The following GBE1 variants were observed in gnomAD, a reference collection of about 807,000 sequenced individuals.
GBE1 encodes 1,4-alpha-glucan branching enzyme 1.
Under a neutral mutation model 88.8 loss-of-function variants are expected in GBE1, and 70 were observed. The ratio of observed to expected loss-of-function variants is 0.79; its 90% CI spans 0.65 to 0.96. GBE1 has a LOEUF of 0.96. Ranked by LOEUF, GBE1 falls within the 40% of genes least tolerant of loss-of-function variation. The probability of loss-of-function intolerance (pLI) is 0.00; values close to 1 mark genes in which losing one functional copy is unlikely to be tolerated. For synonymous variants in GBE1, 284 were observed against 300.1 expected (o/e 0.95, Z 0.56); for missense variants, 872 against 871.0 (o/e 1.00, Z -0.01).
chr3:81,730,305 A>G (rs1706168596), intron 1 of GBE1, among the ~76,000 whole-genome samples: 1 of 152,186 alleles, frequency 6.6e-6, no homozygotes, highest in South Asian at 2.1e-4. Flanking sequence ...AAGATACAGT[A>G]TATGCTTCAA....
At chr3:81,526,377 C>A (rs1200078902) in intron 14 of GBE1, among the ~76,000 whole-genome samples, 1 of 152,014 alleles carries the variant, frequency 6.6e-6, no homozygotes, top group African/African-American at 2.4e-5. Flanking sequence ...CCAGGGCAAT[C>A]AGGCAGGAGA....
chr3:81,664,079 T>A (rs1705074549), intron 3 of GBE1, among the ~76,000 whole-genome samples: 3 of 152,184 alleles, frequency 2.0e-5, no homozygotes, highest in African/African-American at 7.2e-5. Flanking sequence ...TTATTTTTTA[T>A]AAGCAGAGTT....
rs187439234 is a variant in GBE1, at chr3:81,543,620, T to C, written c.1619-6525A>G. Among the ~76,000 whole-genome samples, 188 of 152,220 alleles carry C rather than the reference T, an allele frequency of 1.2e-3. 6 individuals are homozygous for C. The South Asian group carries it at 0.032, about 26-fold the overall frequency. ...TCATTAAAACAAGTTAAGAATGTCC[T>C]TCTCAGCTATGGGCTACAAATTACT... is the stretch of plus-strand genomic sequence containing the variant. On this transcript the variant is annotated intron_variant, in intron 12 of 15. Transcript: ENST00000429644.
chr3:81,525,460 A>T (rs994969076), intron 14 of GBE1, among the ~76,000 whole-genome samples: 2 of 152,030 alleles, frequency 1.3e-5, no homozygotes, highest in African/African-American at 4.8e-5. Flanking sequence ...TTTTTGCATC[A>T]ACGTTCATCA....
chr3:81,720,381 T>A (rs1038845641), intron 1 of GBE1, among the ~76,000 whole-genome samples: 1 of 150,410 alleles, frequency 6.6e-6, no homozygotes, highest in African/African-American at 2.5e-5. Flanking sequence ...TATATATATA[T>A]CTTATATACA....
At chr3:81,710,806 C>A (rs941502169) in intron 1 of GBE1, among the ~76,000 whole-genome samples, 4 of 152,186 alleles carry the variant, frequency 2.6e-5, no homozygotes, top group African/African-American at 9.7e-5. Flanking sequence ...CTATTAGCAA[C>A]ATTACGATTT....
At chr3:81,499,681 T>A (rs1348060049) in intron 14 of GBE1, among the ~76,000 whole-genome samples, 1 of 152,176 alleles carries the variant, frequency 6.6e-6, no homozygotes, top group Admixed American at 6.6e-5. Context: ...ACTAAATACA[T>A]ACAGTCAGTC....
intron 7 of GBE1, among the ~76,000 whole-genome samples, chr3:81,625,579 A>T (rs1340755226): frequency 6.6e-6 from 1 of 152,038 alleles, no homozygotes; most frequent in Non-Finnish European, 1.5e-5. Context: ...CAAAGACTGC[A>T]GGCATGCACC....
intron 7 of GBE1, chr3:81,613,112 TA>T: frequency 4.0e-6 from 2 of 506,284 alleles, no homozygotes; most frequent in Non-Finnish European, 6.5e-6. Flanking sequence ...CTTCCTTTTT[TA>T]AAATGTTCTC....
intron 3 of GBE1, among the ~76,000 whole-genome samples, chr3:81,665,508 C>A (rs1286139142): frequency 2.0e-5 from 3 of 150,532 alleles, no homozygotes; most frequent in Non-Finnish European, 4.4e-5. Context: ...TGCACTCCAG[C>A]CTGGGGGACA....
At chr3:81,679,405 T>A (rs1196028784) in intron 2 of GBE1, among the ~76,000 whole-genome samples, 1 of 152,218 alleles carries the variant, frequency 6.6e-6, no homozygotes, top group African/African-American at 2.4e-5. Context: ...ATCATCTTAA[T>A]AACAGGGTAT....
At chr3:81,687,460 C>T (rs1705457942) in intron 2 of GBE1, among the ~76,000 whole-genome samples, 1 of 152,120 alleles carries the variant, frequency 6.6e-6, no homozygotes, top group Non-Finnish European at 1.5e-5. Context: ...CGAAAATTTT[C>T]CTTTCTGGTG....
rs1559708576 is a variant in GBE1 at position 81,750,591 on chromosome 3, A to ATGTG, written c.143+10783_143+10784insCACA. On this transcript the variant is annotated intron_variant, in intron 1 of 15. Coordinates refer to ENST00000429644, the MANE Select transcript of GBE1 (RefSeq NM_000158.4). ...TATATATATACGTATATATATACGT[A>ATGTG]TATATATATGTGTATATATATATAT... Among the ~76,000 whole-genome samples the ATGTG allele has an allele frequency of 2.9e-4, 15 of 51,954 alleles. No individual in the cohort carries two copies. The East Asian group carries it at 7.6e-3, about 26-fold the overall frequency. 34.1% of individuals were successfully genotyped at this position (51,954 alleles called of 152,430 possible).
At chr3:81,690,672 C>T (rs185408137) in intron 2 of GBE1, among the ~76,000 whole-genome samples, 88 of 152,204 alleles carry the variant, frequency 5.8e-4, no homozygotes, top group African/African-American at 2.0e-3. Flanking sequence ...CACCATGAAA[C>T]ACAAATTTAA....
intron 7 of GBE1, among the ~76,000 whole-genome samples, chr3:81,609,324 C>T (rs960996991): frequency 4.6e-5 from 7 of 152,094 alleles, no homozygotes; most frequent in Admixed American, 6.6e-5. Flanking sequence ...AATGAGGAAA[C>T]TGAAACAGAT....
chr3:81,692,373 C>A (rs1354139917), intron 2 of GBE1, among the ~76,000 whole-genome samples: 1 of 152,170 alleles, frequency 6.6e-6, no homozygotes, highest in Non-Finnish European at 1.5e-5. Flanking sequence ...TCAATAACTT[C>A]ATGCTTCATA....
intron 3 of GBE1, among the ~76,000 whole-genome samples, chr3:81,659,159 A>AT (rs1274573104): frequency 1.3e-5 from 2 of 152,146 alleles, no homozygotes; most frequent in East Asian, 1.9e-4. Context: ...TATAAAGCCA[A>AT]TAAAAAAAAA....
intron 12 of GBE1, among the ~76,000 whole-genome samples, chr3:81,570,364 C>T (rs991651091): frequency 1.3e-5 from 2 of 152,142 alleles, no homozygotes; most frequent in African/African-American, 4.8e-5. Flanking sequence ...TATTGGCTCT[C>T]AGGATATGAT....
chr3:81,726,708 A>G (rs1019595669), intron 1 of GBE1, among the ~76,000 whole-genome samples: 8 of 151,622 alleles, frequency 5.3e-5, no homozygotes, highest in Admixed American at 5.3e-4. Flanking sequence ...CAGCCTCCCA[A>G]GTGGCTGGGA....
Sources: allele counts gnomAD v4.1 joint callset (sites outside exome capture counted in the v4.1 genomes callset), GRCh38; gene constraint gnomAD v4.1.1; transcripts MANE v1.5; gene names NCBI Gene and HGNC (gene_info 2026-07-23, HGNC 2026-07-21).